The following GIMAP8 variants were observed in gnomAD, a reference collection of about 807,000 sequenced individuals.
GIMAP8 encodes GTPase, IMAP family member 8.
GIMAP8 carries 29 observed loss-of-function variants against 35.6 expected under a neutral mutation model. The ratio of observed to expected loss-of-function variants is 0.81; its 90% CI spans 0.61 to 1.11. GIMAP8 has a LOEUF of 1.11. GIMAP8 is among the 50% of genes most tolerant of loss of function. The pLI, the probability that GIMAP8 is intolerant of heterozygous loss-of-function variation, is 0.00. For missense variants in GIMAP8, 811 were observed against 805.0 expected (o/e 1.01, Z -0.09); for synonymous variants, 335 against 308.7 (o/e 1.09, Z -0.89).
intron 1 of GIMAP8, among the ~76,000 whole-genome samples, chr7:150,453,511 A>ACC (rs958962120): frequency 1.3e-5 from 2 of 152,160 alleles, no homozygotes; most frequent in Non-Finnish European, 2.9e-5. Flanking sequence ...AGTGCCACAG[A>ACC]CCCCATTTTT....
At chr7:150,463,249 T>G (rs546585222) in intron 1 of GIMAP8, among the ~76,000 whole-genome samples, 1 of 152,304 alleles carries the variant, frequency 6.6e-6, no homozygotes, top group Non-Finnish European at 1.5e-5. Flanking sequence ...AATTGTTTTT[T>G]CTGATTTCTT....
rs1585119166 is a variant in GIMAP8, at chr7:150,472,526, G to A, written c.683-1486G>A. On this transcript the variant is annotated intron_variant, in intron 3 of 4. Transcript: ENST00000307271. The surrounding 1 kb of genome is among the most constrained non-coding windows in gnomAD (Gnocchi z 4.1). The stretch of plus-strand genomic sequence containing the variant: ...GACAGGAGGGTGCCATGGCCTTGCT[G>A]TGGAGGCCAGACCAGCTCCTGGCTC... 1.3e-5 allele frequency among the ~76,000 whole-genome samples: 2 copies of A among 152,308 alleles called. No homozygotes were observed. The highest frequency in any genetic ancestry group is 3.9e-4 in the East Asian group (2 of 5,184).
chr7:150,470,767 T>TTTTTTTTGTTGTTTTGGTTTTTGA, intron 2 of GIMAP8, 62 bp from the exon 3 acceptor site: 1 of 655,330 alleles, frequency 1.5e-6, no homozygotes, highest in Non-Finnish European at 2.5e-6. Context: ...TTTTTTTTTT[T>TTTTTTTTGTTGTTTTGGTTTTTGA]TCAGTTTGTG....
chr7:150,458,367 C>A (rs1024978564), intron 1 of GIMAP8, among the ~76,000 whole-genome samples: 1 of 152,176 alleles, frequency 6.6e-6, no homozygotes. Flanking sequence ...TTGCTTGGGG[C>A]AGGTAAGCCT....
At chr7:150,453,806 G>A (rs1047076096) in intron 1 of GIMAP8, among the ~76,000 whole-genome samples, 12 of 152,166 alleles carry the variant, frequency 7.9e-5, no homozygotes, top group East Asian at 1.9e-4. Context: ...GGTACGGGGC[G>A]GGGGGCACAG....
At position 150,466,821 on chromosome 7, in the gene GIMAP8, T is replaced by C. The variant is rs768376920; in HGVS notation, c.123T>C (p.Ser41=). 3.7e-6 allele frequency: 6 copies of C among 1,614,250 alleles called. No homozygotes were observed. Among genetic ancestry groups the C allele is most frequent in the Non-Finnish European group, 5.1e-6 (6 of 1,180,038 alleles). Residue 41 remains serine, a synonymous_variant, in exon 2 of 5, where the codon AGT becomes AGC. Transcript: ENST00000307271. ...LGKHVFKSKF[S]DQTVIKMCQR... ...AACATGTGTTCAAGTCCAAGTTCAG[T>C]GATCAGACAGTGATCAAAATGTGCC...
intron 2 of GIMAP8, among the ~76,000 whole-genome samples, chr7:150,468,222 T>G (rs1450133407): frequency 6.6e-6 from 1 of 152,218 alleles, no homozygotes; most frequent in Non-Finnish European, 1.5e-5. Context: ...TTTCTCCTCA[T>G]GTATTCTTGG....
intron 1 of GIMAP8, among the ~76,000 whole-genome samples, chr7:150,466,461 A>G (rs1371977390): frequency 2.0e-5 from 3 of 152,196 alleles, no homozygotes; most frequent in Non-Finnish European, 4.4e-5. Context: ...TTAAGGAACT[A>G]AAAGAGATCT....
chr7:150,475,790 G>C (rs1172691716), intron 4 of GIMAP8, among the ~76,000 whole-genome samples: 2 of 152,234 alleles, frequency 1.3e-5, no homozygotes, highest in East Asian at 3.8e-4. Flanking sequence ...ACAGGTTTTA[G>C]AGAATGGGTA....
At chr7:150,459,746 T>C (rs1347942639) in intron 1 of GIMAP8, among the ~76,000 whole-genome samples, 1 of 152,152 alleles carries the variant, frequency 6.6e-6, no homozygotes, top group Admixed American at 6.5e-5. Flanking sequence ...ATGGGCCCAT[T>C]GCCTCACTTT....
In GIMAP8 at chr7:150,477,842, G is replaced by A. The variant is rs765918532; in HGVS notation, c.*62G>A. The A allele has an allele frequency of 7.9e-5, 108 of 1,366,966 alleles. No individual in the cohort carries two copies. Among genetic ancestry groups the A allele is most frequent in the Non-Finnish European group, 1.0e-4 (100 of 987,172 alleles). The allele number at this position is 1,366,966 out of a possible 1,614,324, so 84.7% of individuals were successfully genotyped here. On this transcript the variant is annotated 3_prime_UTR_variant, in exon 5 of 5. Transcript: ENST00000307271. ...ACCCTCAGGTTGGGGGGAGGGGCGG[G>A]GCATGGTACAACCTGTGGGAAGGGA...
chr7:150,460,516 T>G (rs1259687750), intron 1 of GIMAP8, among the ~76,000 whole-genome samples: 1 of 152,244 alleles, frequency 6.6e-6, no homozygotes, highest in African/African-American at 2.4e-5. Flanking sequence ...GGTACACTAC[T>G]TAAAGTTCTG....
intron 3 of GIMAP8, 106 bp downstream of exon 3, chr7:150,470,980 C>T: frequency 2.6e-6 from 2 of 780,760 alleles, no homozygotes; most frequent in Non-Finnish European, 2.1e-6. Flanking sequence ...AGAAAATTCA[C>T]CCTGGGGACC....
Position 150,451,908 on chromosome 7 carries a change from GGCTGGGTCTAAGGTCTTCCCCAC to G in GIMAP8, c.-29+740_-29+762del, listed in dbSNP as rs1801616357. On this transcript the variant is annotated intron_variant, in intron 1 of 4. Transcript: ENST00000307271. This position sits in a 1 kb window ranked among gnomAD's most constrained non-coding sequence, Gnocchi z 4.1. ...CTTCCTCTTGATGGTTGCCCTGCTG[GGCTGGGTCTAAGGTCTTCCCCAC>G]GCTGGGCTCTGGAGGCATCTCCAAC... Among the ~76,000 whole-genome samples, 1 of 152,160 alleles carries G rather than the reference GGCTGGGTCTAAGGTCTTCCCCAC, an allele frequency of 6.6e-6. No homozygotes were observed. The highest frequency in any genetic ancestry group is 1.5e-5 in the Non-Finnish European group (1 of 68,026).
At position 150,451,666 on chromosome 7, in the gene GIMAP8, C is replaced by T. The variant is rs1010605665; in HGVS notation, c.-29+491C>T. Among the ~76,000 whole-genome samples, 1 of 152,146 alleles carries T rather than the reference C, an allele frequency of 6.6e-6. No individual in the cohort carries two copies. The highest frequency in any genetic ancestry group is 1.5e-5 in the Non-Finnish European group (1 of 68,024). The stretch of plus-strand genomic sequence containing the variant: ...AGCTAGATGGTGCCGCAGAGCAGCC[C>T]CCAGGAGGAAGCCAGCGGAGCTCCT... On this transcript the variant is annotated intron_variant, in intron 1 of 4. Transcript: ENST00000307271. The surrounding 1 kb of genome is among the most constrained non-coding windows in gnomAD (Gnocchi z 4.1).
rs1026942366 is a variant in GIMAP8 at position 150,450,910 on chromosome 7, C to G, written c.-294C>G. 3.3e-5 allele frequency: 5 copies of G among 152,538 alleles called. No individual in the cohort carries two copies. Among genetic ancestry groups the G allele is most frequent in the African/African-American group, 1.2e-4 (5 of 41,480 alleles). The allele number at this position is 152,538 out of a possible 1,614,324, so 9.4% of individuals were successfully genotyped here. On this transcript the variant is annotated 5_prime_UTR_variant, in exon 1 of 5. Coordinates refer to ENST00000307271, the MANE Select transcript of GIMAP8 (RefSeq NM_175571.4). The surrounding 1 kb of genome is among the most constrained non-coding windows in gnomAD (Gnocchi z 4.4). Reference sequence around the variant, plus strand: ...CACCCAGGGAAGGCGCGTGTGTCCCCGATGCTGGCTCCTCCCTGAGCCCCG... The same window carrying G: ...CACCCAGGGAAGGCGCGTGTGTCCCGGATGCTGGCTCCTCCCTGAGCCCCG...
At chr7:150,468,951 AATC>A in intron 2 of GIMAP8, among the ~76,000 whole-genome samples, 1 of 152,136 alleles carries the variant, frequency 6.6e-6, no homozygotes, top group African/African-American at 2.4e-5. Context: ...CCTCTGTGAC[AATC>A]TGTCTCTTCC....
intron 1 of GIMAP8, among the ~76,000 whole-genome samples, chr7:150,453,513 C>T (rs6961774): frequency 0.04 from 6,132 of 152,264 alleles, 418 homozygotes; most frequent in African/African-American, 0.14. Flanking sequence ...TGCCACAGAC[C>T]CCATTTTTTG....
intron 2 of GIMAP8, among the ~76,000 whole-genome samples, chr7:150,468,251 T>C (rs998844417): frequency 2.0e-5 from 3 of 152,242 alleles, no homozygotes; most frequent in Admixed American, 1.3e-4. Context: ...CCACAACCCA[T>C]CTCACACATT....
Sources: gnomAD v4.1 joint callset for allele counts (sites outside exome capture counted in the v4.1 genomes callset) on GRCh38, gnomAD v4.1.1 for gene constraint, Gnocchi (gnomAD v3.1) non-coding constraint, MANE v1.5 for transcripts, NCBI Gene and HGNC (gene_info 2026-07-23, HGNC 2026-07-21) for gene names.